Variants in STARD13 observed in about 807,000 individuals in gnomAD.
STARD13 encodes the protein stAR-related lipid transfer protein 13.
Under a neutral mutation model 106.4 loss-of-function variants are expected in STARD13, and 62 were observed. The observed-to-expected ratio is 0.58, with a 90% confidence interval of 0.48 to 0.72. STARD13 has a LOEUF of 0.72. STARD13 is among the 30% of genes least tolerant of loss of function. STARD13 has a pLI of 0.00. For synonymous variants in STARD13, 565 were observed against 553.0 expected (o/e 1.02, Z -0.31); for missense variants, 1,387 against 1,424.0 (o/e 0.97, Z 0.42).
At chr13:33,410,975 A>G in the STARD13 span, among the ~76,000 whole-genome samples, 1 of 152,212 alleles carries the variant, frequency 6.6e-6, no homozygotes, top group African/African-American at 2.4e-5. Context: ...CAACTCATCA[A>G]AATTTCCATG....
the STARD13 span, among the ~76,000 whole-genome samples, chr13:33,545,120 T>C: frequency 6.6e-6 from 1 of 152,048 alleles, no homozygotes; most frequent in Non-Finnish European, 1.5e-5. Flanking sequence ...CATGCCTGGC[T>C]AAAATTTTGT....
the STARD13 span, among the ~76,000 whole-genome samples, chr13:33,422,276 A>C: frequency 6.6e-6 from 1 of 152,190 alleles, no homozygotes; most frequent in Non-Finnish European, 1.5e-5. Flanking sequence ...ATGTGCAAAA[A>C]TCACAAGCAT....
the STARD13 span, among the ~76,000 whole-genome samples, chr13:33,530,466 A>AT: frequency 1.3e-5 from 2 of 149,994 alleles, no homozygotes; most frequent in East Asian, 1.9e-4. Context: ...CCCTTCATAC[A>AT]TTTTTTTATG....
the STARD13 span, among the ~76,000 whole-genome samples, chr13:33,362,835 A>G: frequency 0.012 from 1,769 of 152,336 alleles, 32 homozygotes; most frequent in African/African-American, 0.04. Context: ...TGTAAATTCC[A>G]TAAGAGCAAG....
At chr13:33,349,588 G>T (rs764010223) in intron 1 of STARD13, among the ~76,000 whole-genome samples, 2 of 152,200 alleles carry the variant, frequency 1.3e-5, no homozygotes, top group Non-Finnish European at 2.9e-5. Flanking sequence ...TCCACGCAAG[G>T]ATTCTTAAGG....
the STARD13 span, among the ~76,000 whole-genome samples, chr13:33,518,652 G>A: frequency 1.3e-5 from 2 of 152,016 alleles, no homozygotes; most frequent in African/African-American, 4.8e-5. Context: ...GAGGATGATA[G>A]GGCTGAGTAG....
chr13:33,646,362 A>C, the STARD13 span, among the ~76,000 whole-genome samples: 1 of 152,330 alleles, frequency 6.6e-6, no homozygotes, highest in South Asian at 2.1e-4. Flanking sequence ...GGTCCCTGTA[A>C]GGGAAAAACA....
In STARD13 at chr13:33,106,642, G is replaced by T. The variant is rs146438157; in HGVS notation, c.3224+116C>A. ...ATCCACCTATGAAAGCACACTAATG[G>T]CAATGAGGAAACAAATACAGTGAAA... is the stretch of plus-strand genomic sequence containing the variant. On this transcript the variant is annotated intron_variant, in intron 13 of 13. Coordinates refer to ENST00000336934, the MANE Select transcript of STARD13 (RefSeq NM_178006.4). 1.4e-4 allele frequency: 129 copies of T among 944,872 alleles called. No homozygotes were observed. The East Asian group carries it at 2.6e-3, about 19-fold the overall frequency. 58.5% of individuals were successfully genotyped at this position (944,872 alleles called of 1,614,324 possible).
chr13:33,566,010 G>A, the STARD13 span, among the ~76,000 whole-genome samples: 4 of 148,410 alleles, frequency 2.7e-5, 1 homozygote, highest in African/African-American at 9.9e-5. Flanking sequence ...CCTGTGGTCA[G>A]TCATTGTTCA....
chr13:33,128,207 A>G (rs1262633375), intron 5 of STARD13, among the ~76,000 whole-genome samples: 4 of 151,874 alleles, frequency 2.6e-5, no homozygotes, highest in Admixed American at 2.6e-4. Flanking sequence ...GGAGCAAGAA[A>G]CAGAGAGAGA....
chr13:33,458,815 C>CTTT, the STARD13 span, among the ~76,000 whole-genome samples: 18 of 113,484 alleles, frequency 1.6e-4, no homozygotes, highest in Non-Finnish European at 2.7e-4. Context: ...AACATGTTTA[C>CTTT]TTTTTTTTTT....
chr13:33,393,381 C>A, the STARD13 span, among the ~76,000 whole-genome samples: 1 of 152,100 alleles, frequency 6.6e-6, no homozygotes, highest in Admixed American at 6.5e-5. Flanking sequence ...AACGTGATTA[C>A]CAAAAGCAAT....
chr13:33,156,631 C>T (rs1401916746), intron 3 of STARD13, among the ~76,000 whole-genome samples: 3 of 152,148 alleles, frequency 2.0e-5, no homozygotes, highest in Non-Finnish European at 2.9e-5. Context: ...CCCTCTGTTT[C>T]TCAGTTTCCT....
intron 1 of STARD13, among the ~76,000 whole-genome samples, chr13:33,329,052 A>G (rs570641258): frequency 1.3e-5 from 2 of 152,338 alleles, no homozygotes; most frequent in African/African-American, 2.4e-5. Context: ...TGCACCATGA[A>G]TTAATACTTT....
the STARD13 span, among the ~76,000 whole-genome samples, chr13:33,640,112 C>T: frequency 6.6e-6 from 1 of 152,122 alleles, no homozygotes; most frequent in Admixed American, 6.6e-5. Context: ...TCTCCTTGTG[C>T]TTCTGCCTAG....
the STARD13 span, among the ~76,000 whole-genome samples, chr13:33,518,971 T>C: frequency 6.6e-6 from 1 of 152,148 alleles, no homozygotes; most frequent in Non-Finnish European, 1.5e-5. Context: ...AAAGATTCTC[T>C]GCTTGACCAA....
At chr13:33,541,903 A>C in the STARD13 span, among the ~76,000 whole-genome samples, 4 of 152,212 alleles carry the variant, frequency 2.6e-5, no homozygotes, top group Admixed American at 2.0e-4. Context: ...TTCAGAAACT[A>C]CTATGGTCCT....
At chr13:33,544,865 C>G in the STARD13 span, among the ~76,000 whole-genome samples, 418 of 151,158 alleles carry the variant, frequency 2.8e-3, 1 homozygote, top group African/African-American at 1.0e-2. Flanking sequence ...TCTCTGCCTC[C>G]CGGGTTCAAG....
chr13:33,363,324 T>C, the STARD13 span, among the ~76,000 whole-genome samples: 2 of 152,348 alleles, frequency 1.3e-5, no homozygotes, highest in South Asian at 4.2e-4. Flanking sequence ...AGTTATTCCA[T>C]GCCTATCTGG....
Sources: gnomAD v4.1 joint callset for allele counts (sites outside exome capture counted in the v4.1 genomes callset) on GRCh38, gnomAD v4.1.1 for gene constraint, MANE v1.5 for transcripts, NCBI Gene and HGNC (gene_info 2026-07-23, HGNC 2026-07-21) for gene names.